The following RAPGEF2 variants were observed in gnomAD, a reference collection of about 807,000 sequenced individuals.
RAPGEF2 encodes the protein PDZ domain containing guanine nucleotide exchange factor (GEF) 1.
In RAPGEF2, 54 loss-of-function variants were observed where a neutral mutation model predicts 186.7. The ratio of observed to expected loss-of-function variants is 0.29; its 90% CI spans 0.23 to 0.36. The LOEUF (loss-of-function observed/expected upper bound fraction) is 0.36, where lower values mean the gene tolerates loss of function less well. Among genes scored for constraint, RAPGEF2 ranks in the 10% least tolerant of loss-of-function variants. RAPGEF2 has a pLI of 1.00. For missense variants in RAPGEF2, 1,532 were observed against 2,045.0 expected, an observed-to-expected ratio of 0.75 and a Z score of 4.84; for synonymous variants, 712 against 705.9, an observed-to-expected ratio of 1.01 and a Z score of -0.14.
chr4:159,138,404 GTTT>G (rs1446156158), intron 1 of RAPGEF2, among the ~76,000 whole-genome samples: 1 of 152,176 alleles, frequency 6.6e-6, no homozygotes, highest in Non-Finnish European at 1.5e-5. Context: ...TTTGGTAATA[GTTT>G]TCACTGCCAC....
At chr4:159,147,739 C>A (rs1743096627) in intron 1 of RAPGEF2, among the ~76,000 whole-genome samples, 1 of 152,228 alleles carries the variant, frequency 6.6e-6, no homozygotes, top group African/African-American at 2.4e-5. Context: ...TAGAAATCAT[C>A]TCCACAGAAA....
chr4:159,269,470 A>T (rs1757836007), intron 7 of RAPGEF2, among the ~76,000 whole-genome samples: 1 of 152,084 alleles, frequency 6.6e-6, no homozygotes, highest in Non-Finnish European at 1.5e-5. Flanking sequence ...CTAGTAGGAA[A>T]GGTTGTTGTA....
intron 25 of RAPGEF2, among the ~76,000 whole-genome samples, chr4:159,347,708 C>A (rs1011512755): frequency 5.9e-5 from 9 of 152,148 alleles, no homozygotes; most frequent in African/African-American, 2.2e-4. Context: ...GGCGTGAACC[C>A]GGGAGGGGGA....
At chr4:159,255,737 T>A (rs1030137547) in intron 7 of RAPGEF2, among the ~76,000 whole-genome samples, 3 of 152,212 alleles carry the variant, frequency 2.0e-5, no homozygotes, top group Non-Finnish European at 4.4e-5. Context: ...CATACTGTGT[T>A]TTTACTTTTA....
chr4:159,157,082 T>C (rs1744209654), intron 1 of RAPGEF2, among the ~76,000 whole-genome samples: 1 of 152,186 alleles, frequency 6.6e-6, no homozygotes, highest in Non-Finnish European at 1.5e-5. Flanking sequence ...CCTTTCACTT[T>C]ATTTGGCTGG....
chr4:159,140,858 G>T (rs1379967961), intron 1 of RAPGEF2, among the ~76,000 whole-genome samples: 5 of 150,130 alleles, frequency 3.3e-5, no homozygotes, highest in Admixed American at 3.3e-4. Context: ...TTGAGACGGA[G>T]TCTCACTCTG....
At chr4:159,349,209 A>G (rs1401964358) in intron 25 of RAPGEF2, among the ~76,000 whole-genome samples, 2 of 152,234 alleles carry the variant, frequency 1.3e-5, no homozygotes, top group African/African-American at 4.8e-5. Context: ...GATTGTATTA[A>G]AACAATATCA....
At chr4:159,170,277 GT>G (rs140819590) in intron 1 of RAPGEF2, among the ~76,000 whole-genome samples, 177 of 151,762 alleles carry the variant, frequency 1.2e-3, no homozygotes, top group African/African-American at 4.1e-3. Flanking sequence ...CTATTGAGTT[GT>G]TTTTCTTATA....
Position 159,339,148 on chromosome 4 carries a change from T to A in RAPGEF2, c.2328T>A (p.Ala776=). The A allele has an allele frequency of 6.2e-7, 1 of 1,614,120 alleles. No individual in the cohort carries two copies. The highest frequency in any genetic ancestry group is 8.5e-7 in the Non-Finnish European group (1 of 1,179,976). Reference sequence around the variant, plus strand: ...ATCAAGTGCTAAGGGTTTTTAAGGCTGATCAGCAAAGCCGCTACATCATGA... The same window carrying A: ...ATCAAGTGCTAAGGGTTTTTAAGGCAGATCAGCAAAGCCGCTACATCATGA... ...LPDQVLRVFK[A]DQQSRYIMIS... is the part of the protein sequence containing the mutation. The change falls in exon 19 of 30, where the codon GCT becomes GCA. Residue 776 remains alanine, a synonymous_variant. Coordinates refer to ENST00000691494, the MANE Select transcript of RAPGEF2 (RefSeq NM_001394067.2).
At chr4:159,266,647 T>C (rs1480840513) in intron 7 of RAPGEF2, among the ~76,000 whole-genome samples, 1 of 152,202 alleles carries the variant, frequency 6.6e-6, no homozygotes, top group Non-Finnish European at 1.5e-5. Context: ...TGTGTGTGTG[T>C]ATGTGTGTGT....
Position 159,215,010 on chromosome 4 carries a change from C to T in RAPGEF2, c.281+4427C>T, listed in dbSNP as rs187608020. 3.0e-4 allele frequency among the ~76,000 whole-genome samples: 46 copies of T among 152,224 alleles called. No homozygotes were observed. In the East Asian group the frequency reaches 7.1e-3, roughly 24 times the overall value. ...CCCAAGTAGTTGGTATTACAGGTGC[C>T]TACCACCACATCCTGCAAAGTTTTG... is the stretch of plus-strand genomic sequence containing the variant. On this transcript the variant is annotated intron_variant, in intron 4 of 29. Transcript: ENST00000691494.
At chr4:159,219,500 C>T (rs1012613093) in intron 4 of RAPGEF2, among the ~76,000 whole-genome samples, 31 of 151,786 alleles carry the variant, frequency 2.0e-4, no homozygotes, top group Non-Finnish European at 4.1e-4. Context: ...GGACTACAGG[C>T]ACCCGCCACC....
At chr4:159,158,011 G>A (rs142737366) in intron 1 of RAPGEF2, among the ~76,000 whole-genome samples, 1,561 of 152,132 alleles carry the variant, frequency 0.01, 27 homozygotes, top group African/African-American at 0.035. Context: ...TGGTGCCTGG[G>A]GGTGTACTTC....
intron 1 of RAPGEF2, among the ~76,000 whole-genome samples, chr4:159,155,002 GTGA>G (rs1743969089): frequency 6.6e-6 from 1 of 152,148 alleles, no homozygotes; most frequent in Admixed American, 6.5e-5. Flanking sequence ...GTTTATTAAA[GTGA>G]TGATTTTCAG....
At chr4:159,259,292 A>T (rs1372686540) in intron 7 of RAPGEF2, among the ~76,000 whole-genome samples, 1 of 152,250 alleles carries the variant, frequency 6.6e-6, no homozygotes, top group Non-Finnish European at 1.5e-5. Context: ...CTTTAGAAGT[A>T]TACCATTTAA....
chr4:159,351,610 GA>G (rs897694112), intron 26 of RAPGEF2, among the ~76,000 whole-genome samples: 1 of 152,216 alleles, frequency 6.6e-6, no homozygotes, highest in Admixed American at 6.5e-5. Context: ...AAGAAAAAAT[GA>G]ATATTGAGAA....
intron 7 of RAPGEF2, among the ~76,000 whole-genome samples, chr4:159,260,637 G>T (rs577807130): frequency 6.6e-6 from 1 of 152,170 alleles, no homozygotes; most frequent in East Asian, 1.9e-4. Flanking sequence ...ATTAGCACAG[G>T]TATTTGACAC....
chr4:159,276,823 G>C (rs945464805), intron 7 of RAPGEF2, among the ~76,000 whole-genome samples: 2 of 150,528 alleles, frequency 1.3e-5, no homozygotes, highest in Admixed American at 1.3e-4. Flanking sequence ...AAGTTCATTA[G>C]TAGTGATATT....
chr4:159,110,375 G>A (rs977375614), intron 1 of RAPGEF2, among the ~76,000 whole-genome samples: 3 of 152,118 alleles, frequency 2.0e-5, no homozygotes, highest in Non-Finnish European at 4.4e-5. Context: ...ATCACTTGAG[G>A]TCAGGAGTTC....
Sources: allele counts gnomAD v4.1 joint callset (sites outside exome capture counted in the v4.1 genomes callset), GRCh38; gene constraint gnomAD v4.1.1; transcripts MANE v1.5; gene names NCBI Gene and HGNC (gene_info 2026-07-23, HGNC 2026-07-21).